The following DCC variants were observed in gnomAD, a reference collection of about 807,000 sequenced individuals.
DCC encodes the protein netrin receptor DCC.
A neutral mutation model predicts 172.5 loss-of-function variants in DCC; 58 were observed. That is an observed-to-expected ratio of 0.34 (90% CI 0.27 to 0.42). The LOEUF (loss-of-function observed/expected upper bound fraction) is 0.42, where lower values mean the gene tolerates loss of function less well. Among genes scored for constraint, DCC ranks in the 10% least tolerant of loss-of-function variants. The pLI is 1.00. For synonymous variants in DCC, 709 were observed against 644.5 expected, an observed-to-expected ratio of 1.10 and a Z score of -1.52; for missense variants, 1,740 against 1,791.0, an observed-to-expected ratio of 0.97 and a Z score of 0.51.
At chr18:52,947,868 G>A (rs2040573435) in intron 5 of DCC, among the ~76,000 whole-genome samples, 1 of 152,028 alleles carries the variant, frequency 6.6e-6, no homozygotes, top group Non-Finnish European at 1.5e-5. Context: ...CAAACCTTGA[G>A]GAGAGGACAC....
chr18:52,806,287 T>C (rs2145237451), intron 2 of DCC, among the ~76,000 whole-genome samples: 1 of 152,312 alleles, frequency 6.6e-6, no homozygotes, highest in South Asian at 2.1e-4. Flanking sequence ...CATGCTCTAG[T>C]AGTGATATTT....
intron 1 of DCC, among the ~76,000 whole-genome samples, chr18:52,459,748 C>T (rs777644673): frequency 2.6e-5 from 4 of 152,038 alleles, no homozygotes; most frequent in African/African-American, 7.2e-5. Flanking sequence ...GGATTACAGG[C>T]GTGAGCAACC....
chr18:52,783,322 T>C (rs1457469419), intron 2 of DCC, among the ~76,000 whole-genome samples: 1 of 113,582 alleles, frequency 8.8e-6, no homozygotes, highest in Non-Finnish European at 1.7e-5. Context: ...ATACTACTAC[T>C]CTTTTTTTTT....
intron 1 of DCC, among the ~76,000 whole-genome samples, chr18:52,363,941 C>T (rs1251889208): frequency 2.0e-5 from 3 of 151,936 alleles, no homozygotes; most frequent in Non-Finnish European, 2.9e-5. Flanking sequence ...GCCCTTTAGC[C>T]CTTCAGTCTG....
intron 1 of DCC, among the ~76,000 whole-genome samples, chr18:52,484,774 G>A (rs933300499): frequency 2.0e-5 from 3 of 150,012 alleles, no homozygotes; most frequent in Non-Finnish European, 4.4e-5. Flanking sequence ...TATCAAACCT[G>A]CACATCTCTC....
At chr18:52,751,766 T>A (rs2036997878) in intron 1 of DCC, among the ~76,000 whole-genome samples, 1 of 152,152 alleles carries the variant, frequency 6.6e-6, no homozygotes, top group South Asian at 2.1e-4. Context: ...GTCTAAATTT[T>A]CATGTACTGA....
At chr18:53,264,364 GTAA>G (rs1045475085) in intron 12 of DCC, among the ~76,000 whole-genome samples, 2 of 151,246 alleles carry the variant, frequency 1.3e-5, no homozygotes, top group African/African-American at 4.9e-5. Flanking sequence ...GCGGCTGCGT[GTAA>G]TTCCAGCTAC....
chr18:52,798,375 T>TA (rs2037918757), intron 2 of DCC, among the ~76,000 whole-genome samples: 1 of 152,158 alleles, frequency 6.6e-6, no homozygotes, highest in African/African-American at 2.4e-5. Context: ...CTTTTCTTTT[T>TA]AAAAATGTTT....
chr18:52,495,896 G>T (rs1021569002), intron 1 of DCC, among the ~76,000 whole-genome samples: 2 of 152,054 alleles, frequency 1.3e-5, no homozygotes, highest in African/African-American at 4.8e-5. Flanking sequence ...CTTGGCCAAA[G>T]AATTAGATCT....
chr18:53,065,221 A>G (rs1446357874), intron 6 of DCC, among the ~76,000 whole-genome samples: 2 of 152,192 alleles, frequency 1.3e-5, no homozygotes, highest in Non-Finnish European at 1.5e-5. Flanking sequence ...AAAAACAATT[A>G]AGAATTCCCC....
chr18:53,272,216 T>C (rs1473103978), intron 12 of DCC, among the ~76,000 whole-genome samples: 1 of 152,274 alleles, frequency 6.6e-6, no homozygotes, highest in Non-Finnish European at 1.5e-5. Flanking sequence ...AGATGGAGTA[T>C]TGGTTTAGCA....
chr18:53,162,072 G>A (rs2054848947), intron 8 of DCC, among the ~76,000 whole-genome samples: 1 of 152,126 alleles, frequency 6.6e-6, no homozygotes, highest in African/African-American at 2.4e-5. Flanking sequence ...GCCGAGGTGA[G>A]TGGATCATTT....
At chr18:53,212,615 C>T (rs188468719) in intron 11 of DCC, among the ~76,000 whole-genome samples, 1 of 151,548 alleles carries the variant, frequency 6.6e-6, no homozygotes, top group East Asian at 1.9e-4. Flanking sequence ...ACTTCAATAC[C>T]ATTACAAAAG....
intron 1 of DCC, among the ~76,000 whole-genome samples, chr18:52,597,458 T>C (rs2033931720): frequency 6.6e-6 from 1 of 152,240 alleles, no homozygotes; most frequent in South Asian, 2.1e-4. Context: ...ATATTGCTTT[T>C]GCTACTCCTC....
At chr18:53,093,697 T>A (rs1178561657) in intron 7 of DCC, among the ~76,000 whole-genome samples, 2 of 152,210 alleles carry the variant, frequency 1.3e-5, no homozygotes, top group Non-Finnish European at 2.9e-5. Context: ...CACATGTAAA[T>A]ACATCACTGT....
intron 1 of DCC, among the ~76,000 whole-genome samples, chr18:52,390,142 A>G (rs1158428455): frequency 2.0e-5 from 3 of 152,096 alleles, no homozygotes; most frequent in South Asian, 2.1e-4. Flanking sequence ...TAGGGGAAAC[A>G]TTCTTCCCTC....
At chr18:53,477,633 A>T (rs2045781940) in intron 25 of DCC, among the ~76,000 whole-genome samples, 1 of 152,188 alleles carries the variant, frequency 6.6e-6, no homozygotes, top group African/African-American at 2.4e-5. Flanking sequence ...TGTGCTATAA[A>T]ATGTTAACAG....
chr18:52,345,321 G>C (rs1474186210), intron 1 of DCC, among the ~76,000 whole-genome samples: 1 of 152,134 alleles, frequency 6.6e-6, no homozygotes, highest in Non-Finnish European at 1.5e-5. Context: ...GAGTTCTAAA[G>C]AGGAATAGTA....
At chr18:53,199,745 A>G (rs2055506626) in intron 9 of DCC, among the ~76,000 whole-genome samples, 1 of 152,138 alleles carries the variant, frequency 6.6e-6, no homozygotes, top group Admixed American at 6.6e-5. Context: ...CTAGCCAGGA[A>G]TGCAGTAAAC....
Sources: gnomAD v4.1 joint callset for allele counts (sites outside exome capture counted in the v4.1 genomes callset) on GRCh38, gnomAD v4.1.1 for gene constraint, MANE v1.5 for transcripts, NCBI Gene and HGNC (gene_info 2026-07-23, HGNC 2026-07-21) for gene names.